The following GSE1 variants were observed in gnomAD, a reference collection of about 807,000 sequenced individuals.
GSE1 encodes the protein genetic suppressor element 1.
In GSE1, 32 loss-of-function variants were observed where a neutral mutation model predicts 112.6. The observed-to-expected ratio is 0.28, with a 90% CI of 0.21 to 0.38. The LOEUF is 0.38. GSE1 is among the 10% of genes least tolerant of loss of function. The pLI is 1.00. For synonymous variants in GSE1, 1,115 were observed against 735.6 expected, an observed-to-expected ratio of 1.52 and a Z score of -8.35; for missense variants, 2,348 against 1,699.2, an observed-to-expected ratio of 1.38 and a Z score of -6.71.
chr16:85,317,466 G>C (rs1311112005), intron 1 of GSE1, among the ~76,000 whole-genome samples: 3 of 152,022 alleles, frequency 2.0e-5, no homozygotes, highest in Non-Finnish European at 4.4e-5. Context: ...ACCCCCCTAC[G>C]AGTCCCAGCC....
chr16:85,626,488 C>T (rs1321044707), intron 1 of GSE1, among the ~76,000 whole-genome samples: 1 of 152,226 alleles, frequency 6.6e-6, no homozygotes, highest in Non-Finnish European at 1.5e-5. Context: ...ACAAACATTT[C>T]TTTCTGCGGT....
intron 1 of GSE1, among the ~76,000 whole-genome samples, chr16:85,182,911 C>T (rs2074621032): frequency 6.6e-6 from 1 of 152,116 alleles, no homozygotes; most frequent in Non-Finnish European, 1.5e-5. Flanking sequence ...ACACACGCAC[C>T]TTGCACCTCC....
intron 1 of GSE1, among the ~76,000 whole-genome samples, chr16:85,202,977 C>T (rs1298926638): frequency 1.3e-5 from 2 of 151,140 alleles, no homozygotes; most frequent in Non-Finnish European, 3.0e-5. Context: ...CCCTCCCTCC[C>T]CACCTCTACC....
At chr16:85,517,989 T>C (rs1368088059) in intron 2 of GSE1, among the ~76,000 whole-genome samples, 2 of 152,234 alleles carry the variant, frequency 1.3e-5, no homozygotes, top group Non-Finnish European at 2.9e-5. Flanking sequence ...TGTCAGGGGC[T>C]CTGCCTCCCC....
At chr16:85,565,521 G>A (rs763648550) in intron 1 of GSE1, among the ~76,000 whole-genome samples, 2 of 152,196 alleles carry the variant, frequency 1.3e-5, no homozygotes, top group African/African-American at 2.4e-5. Flanking sequence ...CTGCATCCTC[G>A]TGCAGTGCCC....
intron 1 of GSE1, among the ~76,000 whole-genome samples, chr16:85,214,007 C>G (rs1244100131): frequency 1.3e-5 from 2 of 152,218 alleles, no homozygotes; most frequent in Non-Finnish European, 2.9e-5. Flanking sequence ...GGAGGCCATC[C>G]CAGGGCATCT....
chr16:85,538,361 T>C (rs1287162749), intron 2 of GSE1, among the ~76,000 whole-genome samples: 1 of 152,220 alleles, frequency 6.6e-6, no homozygotes, highest in Non-Finnish European at 1.5e-5. Flanking sequence ...GCAGTGACTA[T>C]GATCTGCTTG....
intron 2 of GSE1, among the ~76,000 whole-genome samples, chr16:85,488,516 G>T (rs940582369): frequency 3.3e-5 from 5 of 151,886 alleles, no homozygotes; most frequent in Non-Finnish European, 5.9e-5. Context: ...CAAGCTCCCT[G>T]TTCCTGCCAG....
chr16:85,321,892 C>T (rs2046115417), intron 1 of GSE1, among the ~76,000 whole-genome samples: 3 of 152,174 alleles, frequency 2.0e-5, no homozygotes, highest in Admixed American at 2.0e-4. Context: ...CACTGAGGCT[C>T]CTAGAAGGAC....
intron 2 of GSE1, among the ~76,000 whole-genome samples, chr16:85,489,291 G>A (rs2050936485): frequency 6.6e-6 from 1 of 151,768 alleles, no homozygotes; most frequent in Non-Finnish European, 1.5e-5. Flanking sequence ...GTTGAGCCGG[G>A]CCGGTGAGAA....
chr16:85,336,003 C>T (rs1052819083), intron 1 of GSE1, among the ~76,000 whole-genome samples: 1 of 152,130 alleles, frequency 6.6e-6, no homozygotes, highest in African/African-American at 2.4e-5. Context: ...GGACCGCATA[C>T]TAGGACAGGT....
intron 1 of GSE1, among the ~76,000 whole-genome samples, chr16:85,582,769 A>G (rs1243966269): frequency 1.3e-5 from 2 of 151,548 alleles, no homozygotes; most frequent in Non-Finnish European, 2.9e-5. Flanking sequence ...ATGCCTTTTC[A>G]CCCCTGAGAG....
chr16:85,436,156 G>A (rs2049241730), intron 2 of GSE1, among the ~76,000 whole-genome samples: 1 of 152,180 alleles, frequency 6.6e-6, no homozygotes, highest in South Asian at 2.1e-4. Flanking sequence ...CTGGGTTAAT[G>A]GGGTAGCTCC....
Position 85,672,527 on chromosome 16 carries a change from A to G in GSE1, c.3642A>G (p.Gly1214=), listed in dbSNP as rs189975084. 2.7e-4 allele frequency: 439 copies of G among 1,605,214 alleles called. 3 individuals are homozygous for G. In the Admixed American group the frequency reaches 7.1e-3, roughly 26 times the overall value. ...AMHWPRGYLK[G]YPR ...ACTGGCCTAGGGGCTACCTGAAGGG[A>G]TATCCCAGGTGACGGTTTCCCTTGC... The change falls in exon 16 of 16, where the codon GGA becomes GGG. Residue 1214 remains glycine, a synonymous_variant. Transcript: ENST00000253458.
chr16:85,391,991 A>G (rs559212511), intron 2 of GSE1, among the ~76,000 whole-genome samples: 1 of 152,190 alleles, frequency 6.6e-6, no homozygotes, highest in East Asian at 1.9e-4. Context: ...ATACCTCCCC[A>G]TCGTCCTTGT....
chr16:85,229,009 C>T (rs978218111), intron 1 of GSE1, among the ~76,000 whole-genome samples: 6 of 152,236 alleles, frequency 3.9e-5, no homozygotes, highest in Admixed American at 2.0e-4. Flanking sequence ...ACCAGATGGA[C>T]GTCCACGCTG....
At chr16:85,278,106 C>G (rs7500433) in intron 1 of GSE1, among the ~76,000 whole-genome samples, 22,865 of 152,306 alleles carry the variant, frequency 0.15, 2,454 homozygotes, top group East Asian at 0.4. Flanking sequence ...CCCCGTTTTA[C>G]AGATGAGAAG....
chr16:85,410,448 T>C lies in GSE1; in HGVS notation c.2464+52805T>C, dbSNP rs866570179. On this transcript the variant is annotated intron_variant, in intron 2 of 2. Coordinates refer to the GSE1 transcript ENST00000637419. Reference sequence around the variant, plus strand: ...TCAGGGCCCCCTGGATAATCCTCACTGTTACACTCAGGGCCCCCCTGGATA... The same window carrying C: ...TCAGGGCCCCCTGGATAATCCTCACCGTTACACTCAGGGCCCCCCTGGATA... Among the ~76,000 whole-genome samples the C allele has an allele frequency of 8.5e-4, 12 of 14,058 alleles. 2 individuals are homozygous for C. The highest frequency in any genetic ancestry group is 1.4e-4 in the Non-Finnish European group (1 of 7,084). 9.2% of individuals were successfully genotyped at this position (14,058 alleles called of 152,430 possible). A position where few individuals can be genotyped will look rare whatever the true frequency, so the allele number is the denominator to read the frequency against.
At chr16:85,170,650 C>G (rs1436699286) in exon 1 of GSE1, 3 of 985,442 alleles carry the variant, frequency 3.0e-6, no homozygotes, top group Admixed American at 1.2e-4. Context: ...CGGGGCCCCG[C>G]TGTCCCCGGC....
Sources: gnomAD v4.1 joint callset for allele counts (sites outside exome capture counted in the v4.1 genomes callset) on GRCh38, gnomAD v4.1.1 for gene constraint, MANE v1.5 for transcripts, NCBI Gene and HGNC (gene_info 2026-07-23, HGNC 2026-07-21) for gene names.